Variants in DHTKD1 observed in about 807,000 individuals in gnomAD.
DHTKD1 encodes the protein 2-oxoadipate dehydrogenase complex component E1.
In DHTKD1, 78 loss-of-function variants were observed where a neutral mutation model predicts 101.8. That is an observed-to-expected ratio of 0.77 (90% confidence interval 0.64 to 0.93). DHTKD1 has a LOEUF of 0.93. DHTKD1 is among the 40% of genes least tolerant of loss of function. The pLI, the probability that DHTKD1 is intolerant of heterozygous loss-of-function variation, is 0.00. For synonymous variants in DHTKD1, 462 were observed against 450.3 expected, an observed-to-expected ratio of 1.03 and a Z score of -0.33; for missense variants, 1,223 against 1,161.7, an observed-to-expected ratio of 1.05 and a Z score of -0.77.
rs1402919477 is a variant in DHTKD1, at chr10:12,107,837, C to A, written c.2048-72C>A. On this transcript the variant is annotated intron_variant, in intron 11 of 16. Transcript: ENST00000263035. The surrounding 1 kb of genome is among the most constrained non-coding windows in gnomAD (Gnocchi z 4.1). ...AGGCAGAAAACTAACATTGATTTCC[C>A]CAGCTGAGTCGTGTCAGGCCACTTT... 6 of 994,160 alleles carry A rather than the reference C, an allele frequency of 6.0e-6. No individual in the cohort carries two copies. The highest frequency in any genetic ancestry group is 9.4e-6 in the Non-Finnish European group (6 of 638,172). 61.6% of individuals were successfully genotyped at this position (994,160 alleles called of 1,614,324 possible).
At chr10:12,075,356 G>GGA (rs1832709814) in intron 1 of DHTKD1, among the ~76,000 whole-genome samples, 2 of 151,652 alleles carry the variant, frequency 1.3e-5, no homozygotes, top group Non-Finnish European at 2.9e-5. Flanking sequence ...TTTCTGTGGG[G>GGA]TTTTTTTTGG....
intron 1 of DHTKD1, among the ~76,000 whole-genome samples, chr10:12,076,133 G>T (rs767625310): frequency 3.3e-5 from 5 of 152,212 alleles, no homozygotes; most frequent in Admixed American, 6.5e-5. Context: ...ACAAACCAAA[G>T]CTTTTAGAGT....
rs55809304 is a variant in DHTKD1, at chr10:12,103,491, C to CTGTGTGTG, written c.1896+2340_1896+2347dup. Among the ~76,000 whole-genome samples, 17,711 of 144,736 alleles carry CTGTGTGTG rather than the reference C, an allele frequency of 0.12. 1,111 individuals carry two copies. The highest frequency in any genetic ancestry group is 0.21 in the East Asian group (1,037 of 4,826). 95.0% of individuals were successfully genotyped at this position (144,736 alleles called of 152,430 possible). A position where few individuals can be genotyped will look rare whatever the true frequency, so the allele number is the denominator to read the frequency against. ...CCCCAACTTCGTTGTACATCTCAAT[C>CTGTGTGTG]TGTGTGTGTGTGTGTGTGTGTGTGT... On this transcript the variant is annotated intron_variant, in intron 10 of 16. Transcript: ENST00000263035. The surrounding 1 kb of genome is among the most constrained non-coding windows in gnomAD (Gnocchi z 4.8).
chr10:12,088,861 A>G, intron 4 of DHTKD1, 125 bp from the exon 5 acceptor site: 1 of 855,012 alleles, frequency 1.2e-6, no homozygotes, highest in Non-Finnish European at 1.8e-6. Flanking sequence ...CTGGAATTAC[A>G]GGCATAAGCC....
rs745983700 is a variant in DHTKD1, at chr10:12,120,799, G to A, written c.2671G>A (p.Gly891Ser). 1.2e-6 allele frequency: 2 copies of A among 1,614,074 alleles called. No homozygotes were observed. The highest frequency in any genetic ancestry group is 1.7e-6 in the Non-Finnish European group (2 of 1,179,964). Residue 891 changes from glycine to serine, a missense_variant, in exon 17 of 17, where the codon GGC (glycine) becomes AGC (serine). Coordinates refer to ENST00000263035, the MANE Select transcript of DHTKD1 (RefSeq NM_018706.7). ...KQLACKLRLVGRPPLPVPAVG... is the reference protein window; with the variant it reads ...KQLACKLRLVSRPPLPVPAVG... ...GCTGCACTTATAGCTCCGTCTGGTGGGCCGGCCCCCTTTGCCAGTACCCGC... is the reference window on the plus strand; with the variant it reads ...GCTGCACTTATAGCTCCGTCTGGTGAGCCGGCCCCCTTTGCCAGTACCCGC...
chr10:12,119,188 C>T (rs1186521498), intron 15 of DHTKD1, among the ~76,000 whole-genome samples: 2 of 151,216 alleles, frequency 1.3e-5, no homozygotes, highest in Non-Finnish European at 2.9e-5. Context: ...CGCCTGTAGT[C>T]CCAGCTCCTT....
intron 4 of DHTKD1, among the ~76,000 whole-genome samples, chr10:12,088,675 C>T (rs1832941038): frequency 6.6e-6 from 1 of 151,976 alleles, no homozygotes; most frequent in Non-Finnish European, 1.5e-5. Context: ...CCTCCGCCTC[C>T]CAGGTTCAAG....
intron 1 of DHTKD1, among the ~76,000 whole-genome samples, chr10:12,080,226 G>A (rs1384377507): frequency 1.3e-5 from 2 of 150,580 alleles, no homozygotes; most frequent in Admixed American, 1.3e-4. Context: ...CATGAACCCG[G>A]GAGGTGGAGC....
At chr10:12,095,687 C>A (rs1833055016) in intron 7 of DHTKD1, among the ~76,000 whole-genome samples, 1 of 150,862 alleles carries the variant, frequency 6.6e-6, no homozygotes, top group Non-Finnish European at 1.5e-5. Flanking sequence ...GTGGCGGGCG[C>A]CTGTAGTCCC....
chr10:12,108,335 A>G (rs901888043), intron 12 of DHTKD1, among the ~76,000 whole-genome samples: 11 of 151,946 alleles, frequency 7.2e-5, no homozygotes, highest in African/African-American at 9.7e-5. Context: ...GCTGGAGTGC[A>G]GTGGTGCGAT....
At chr10:12,081,666 A>G (rs1289766240) in intron 2 of DHTKD1, 39 bp downstream of exon 2, 11 of 1,611,412 alleles carry the variant, frequency 6.8e-6, no homozygotes, top group Admixed American at 3.3e-5. Context: ...TCGGAGCTGC[A>G]CACCAGGCCA....
chr10:12,115,767 T>A (rs1017606975), intron 13 of DHTKD1, among the ~76,000 whole-genome samples: 1 of 152,118 alleles, frequency 6.6e-6, no homozygotes, highest in South Asian at 2.1e-4. Flanking sequence ...TGGGGCTCTT[T>A]TTTTTCTTTT....
At chr10:12,106,779 G>T (rs1160582045) in intron 11 of DHTKD1, among the ~76,000 whole-genome samples, 3 of 152,146 alleles carry the variant, frequency 2.0e-5, no homozygotes, top group Non-Finnish European at 4.4e-5. Context: ...TTCCAGGGAT[G>T]CCCACTCTTG....
At chr10:12,106,643 G>A (rs1564396504) in intron 11 of DHTKD1, among the ~76,000 whole-genome samples, 1 of 152,112 alleles carries the variant, frequency 6.6e-6, no homozygotes, top group Admixed American at 6.6e-5. Flanking sequence ...TGTGCTCAGG[G>A]GTCAGTAGGG....
intron 3 of DHTKD1, among the ~76,000 whole-genome samples, chr10:12,085,991 G>A (rs767785701): frequency 6.6e-6 from 1 of 151,558 alleles, no homozygotes; most frequent in Non-Finnish European, 1.5e-5. Flanking sequence ...TTGCCCTGTC[G>A]CCCAAGTAGC....
At position 12,089,114 on chromosome 10, in the gene DHTKD1, A is replaced by T; in HGVS notation, c.846A>T (p.Thr282=). 1 of 1,614,184 alleles carries T rather than the reference A, an allele frequency of 6.2e-7. No homozygotes were observed. The highest frequency in any genetic ancestry group is 8.5e-7 in the Non-Finnish European group (1 of 1,180,042). Residue 282 remains threonine (T), a synonymous_variant, in exon 5 of 17, where the codon ACA becomes ACT. Coordinates refer to ENST00000263035, the MANE Select transcript of DHTKD1 (RefSeq NM_018706.7). ...YFGAHHPLHV[T]MLPNPSHLEA... ...GGGCGCACCATCCCCTCCATGTGAC[A>T]ATGTTGCCCAATCCCTCGCACCTGG...
chr10:12,077,780 A>G (rs117172656), intron 1 of DHTKD1, among the ~76,000 whole-genome samples: 3,302 of 151,428 alleles, frequency 0.022, 50 homozygotes, highest in Middle Eastern at 0.048. Flanking sequence ...CTCTCTAGGG[A>G]CAGCCAAGTT....
chr10:12,099,905 C>T (rs142944157), intron 8 of DHTKD1, among the ~76,000 whole-genome samples: 1,566 of 149,812 alleles, frequency 0.01, 37 homozygotes, highest in African/African-American at 0.036. Flanking sequence ...CCAGTGACTC[C>T]CTGCCTCAGC....
In DHTKD1 at chr10:12,087,613, T is replaced by C. The variant is rs1406998947; in HGVS notation, c.601T>C (p.Phe201Leu). The C allele has an allele frequency of 1.2e-6, 2 of 1,613,738 alleles. No homozygotes were observed. Among genetic ancestry groups the C allele is most frequent in the South Asian group, 2.2e-5 (2 of 91,008 alleles). ...CGAAGGGGCTGAAAGCATGATGGGC[T>C]TTTTCCACGAGCTGCTGAAAATGTC... ...GGEGAESMMG[F>L]FHELLKMSAY... The change falls in exon 4 of 17, where the codon TTT (phenylalanine) becomes CTT (leucine). Residue 201 changes from phenylalanine to leucine, a missense_variant. Phe to Leu is a conservative substitution (Grantham distance 22). Transcript: ENST00000263035. This position sits in a 1 kb window ranked among gnomAD's most constrained non-coding sequence, Gnocchi z 5.2.
Sources: allele counts gnomAD v4.1 joint callset (sites outside exome capture counted in the v4.1 genomes callset), GRCh38; gene constraint gnomAD v4.1.1; non-coding constraint Gnocchi (gnomAD v3.1); transcripts MANE v1.5; gene names NCBI Gene and HGNC (gene_info 2026-07-23, HGNC 2026-07-21).